TMC1: variants seen among roughly 807,000 people sequenced by gnomAD.
TMC1 encodes the protein transmembrane channel like 1.
A neutral mutation model predicts 105.8 loss-of-function variants in TMC1; 84 were observed. That is an observed-to-expected ratio of 0.79 (90% confidence interval 0.67 to 0.95). The LOEUF is 0.95. Among genes scored for constraint, TMC1 ranks in the 40% least tolerant of loss-of-function variants. The pLI is 0.00. For synonymous variants in TMC1, 315 were observed against 311.5 expected, an observed-to-expected ratio of 1.01 and a Z score of -0.12; for missense variants, 817 against 914.1, an observed-to-expected ratio of 0.89 and a Z score of 1.37.
intron 1 of TMC1, among the ~76,000 whole-genome samples, chr9:72,522,867 GC>G (rs1181228410): frequency 1.3e-5 from 2 of 152,166 alleles, no homozygotes; most frequent in Non-Finnish European, 2.9e-5. Flanking sequence ...AGCACTATTG[GC>G]CTTTGGGGCC....
chr9:72,750,171 C>T (rs932407153), intron 10 of TMC1, among the ~76,000 whole-genome samples: 3 of 152,098 alleles, frequency 2.0e-5, no homozygotes, highest in African/African-American at 4.8e-5. Context: ...CCTGTGAGGC[C>T]GGCCTCATCT....
At chr9:72,694,406 G>A (rs1588035557) in intron 6 of TMC1, 137 bp from the exon 7 acceptor site, 2 of 704,474 alleles carry the variant, frequency 2.8e-6, no homozygotes, top group Non-Finnish European at 5.0e-6. Flanking sequence ...ATTCCATGAT[G>A]CATCCCATCA....
intron 3 of TMC1, among the ~76,000 whole-genome samples, chr9:72,618,846 A>G (rs1825191053): frequency 2.6e-5 from 4 of 152,202 alleles, no homozygotes; most frequent in Admixed American, 2.6e-4. Context: ...TAAAAATGTT[A>G]TCTTAAATTT....
At chr9:72,742,936 A>G (rs1827414362) in intron 10 of TMC1, among the ~76,000 whole-genome samples, 1 of 152,232 alleles carries the variant, frequency 6.6e-6, no homozygotes, top group Non-Finnish European at 1.5e-5. Context: ...CAATGTTTTA[A>G]CAAGTGAAGA....
chr9:72,794,943 C>A (rs184244646), intron 17 of TMC1, among the ~76,000 whole-genome samples: 1 of 152,160 alleles, frequency 6.6e-6, no homozygotes, highest in Non-Finnish European at 1.5e-5. Flanking sequence ...TAATAGGTCT[C>A]ATAAGGCTGA....
At chr9:72,585,706 T>C (rs1218209436) in intron 2 of TMC1, among the ~76,000 whole-genome samples, 1 of 152,040 alleles carries the variant, frequency 6.6e-6, no homozygotes, top group Non-Finnish European at 1.5e-5. Context: ...AAGTTGTCAG[T>C]GGAGAAGTTA....
intron 12 of TMC1, among the ~76,000 whole-genome samples, chr9:72,758,501 C>T (rs1827705735): frequency 6.6e-6 from 1 of 152,192 alleles, no homozygotes; most frequent in African/African-American, 2.4e-5. Flanking sequence ...AAATGAGATG[C>T]TGTCTTGGTC....
At chr9:72,546,333 C>T (rs1482476729) in intron 1 of TMC1, among the ~76,000 whole-genome samples, 1 of 152,034 alleles carries the variant, frequency 6.6e-6, no homozygotes, top group East Asian at 1.9e-4. Flanking sequence ...TTTGGAAAAA[C>T]TGCTGAAATT....
chr9:72,622,659 A>G (rs150868887), intron 3 of TMC1, among the ~76,000 whole-genome samples: 56 of 152,314 alleles, frequency 3.7e-4, no homozygotes, highest in African/African-American at 1.0e-3. Flanking sequence ...CAACAATACC[A>G]GACTTGTTAA....
Position 72,700,508 on chromosome 9 carries a change from A to G in TMC1, c.237-10A>G. 1 of 1,581,086 alleles carries G rather than the reference A, an allele frequency of 6.3e-7. No individual in the cohort carries two copies. The highest frequency in any genetic ancestry group is 8.6e-7 in the Non-Finnish European group (1 of 1,159,226). ...AACTTTATTAAGGTGTTTCTTTTTT[A>G]CTTTTAAAGAGAAGAAGAAGAAATT... On this transcript the variant is annotated splice_polypyrimidine_tract_variant and intron_variant, in intron 7 of 23. Coordinates refer to ENST00000297784, the MANE Select transcript of TMC1 (RefSeq NM_138691.3).
chr9:72,577,069 C>T (rs1033680018), intron 1 of TMC1, among the ~76,000 whole-genome samples: 5 of 152,122 alleles, frequency 3.3e-5, no homozygotes, highest in Non-Finnish European at 7.4e-5. Flanking sequence ...TTTAATGAAG[C>T]TACAGCATAC....
intron 2 of TMC1, among the ~76,000 whole-genome samples, chr9:72,615,866 GC>G (rs546857090): frequency 6.6e-6 from 1 of 151,042 alleles, no homozygotes; most frequent in East Asian, 2.0e-4. Context: ...CAATTCTTGT[GC>G]CTTAGCCTCC....
chr9:72,626,827 T>G (rs1444269981), intron 3 of TMC1, among the ~76,000 whole-genome samples: 1 of 152,288 alleles, frequency 6.6e-6, no homozygotes, highest in South Asian at 2.1e-4. Context: ...CTGTGCTGTT[T>G]GCCACATCAT....
At chr9:72,659,780 C>T (rs1287766384) in intron 5 of TMC1, among the ~76,000 whole-genome samples, 1 of 152,190 alleles carries the variant, frequency 6.6e-6, no homozygotes, top group East Asian at 1.9e-4. Context: ...AGTTCTTCCT[C>T]TTAAGGTAAC....
intron 5 of TMC1, among the ~76,000 whole-genome samples, chr9:72,659,585 G>T (rs7024603): frequency 0.11 from 16,684 of 152,214 alleles, 1,203 homozygotes; most frequent in African/African-American, 0.19. Context: ...GGTGAGTCAA[G>T]ATTGCACCAC....
intron 2 of TMC1, among the ~76,000 whole-genome samples, chr9:72,596,990 A>G (rs1462016394): frequency 6.6e-6 from 1 of 152,238 alleles, no homozygotes; most frequent in Non-Finnish European, 1.5e-5. Context: ...GGCCACCAGC[A>G]ACCCTTGTAA....
At chr9:72,698,716 G>GTTACCCTCAAATATGAAGGTAATT in intron 7 of TMC1, among the ~76,000 whole-genome samples, 1 of 152,176 alleles carries the variant, frequency 6.6e-6, no homozygotes, top group Non-Finnish European at 1.5e-5. Context: ...GGGTTGAAAC[G>GTTACCCTCAAATATGAAGGTAATT]AAAACACTGT....
In TMC1 at chr9:72,805,430, A is replaced by C; in HGVS notation, c.1615A>C (p.Ile539Leu). The change falls in exon 18 of 24, where the codon ATC (isoleucine) becomes CTC (leucine). Residue 539 changes from isoleucine to leucine, a missense_variant. Coordinates refer to ENST00000297784, the MANE Select transcript of TMC1 (RefSeq NM_138691.3). ...VSDVLTTYVT[I>L]LIGDFLRACF... is the part of the protein sequence containing the mutation. The stretch of plus-strand genomic sequence containing the variant: ...TGATGTTCTGACCACCTACGTCACA[A>C]TCCTCATTGGGGACTTTCTAAGGGC... The C allele has an allele frequency of 6.2e-7, 1 of 1,613,522 alleles. No individual in the cohort carries two copies. The highest frequency in any genetic ancestry group is 8.5e-7 in the Non-Finnish European group (1 of 1,179,910).
intron 1 of TMC1, among the ~76,000 whole-genome samples, chr9:72,553,425 C>T (rs1232088526): frequency 6.6e-6 from 1 of 152,170 alleles, no homozygotes; most frequent in Non-Finnish European, 1.5e-5. Context: ...ATCTCCTTAA[C>T]TTTTACTCTA....
Sources: gnomAD v4.1 joint callset for allele counts (sites outside exome capture counted in the v4.1 genomes callset) on GRCh38, gnomAD v4.1.1 for gene constraint, MANE v1.5 for transcripts, NCBI Gene and HGNC (gene_info 2026-07-23, HGNC 2026-07-21) for gene names.